The following VPS13B variants were observed in gnomAD, a reference collection of about 807,000 sequenced individuals.
VPS13B encodes the protein intermembrane lipid transfer protein VPS13B.
A neutral mutation model predicts 426.4 loss-of-function variants in VPS13B; 285 were observed. The ratio of observed to expected loss-of-function variants is 0.67; its 90% CI spans 0.61 to 0.74. The LOEUF (loss-of-function observed/expected upper bound fraction) is 0.74. Among genes scored for constraint, VPS13B ranks in the 30% least tolerant of loss-of-function variants. The probability of loss-of-function intolerance (pLI) is 0.00; values close to 1 mark genes in which losing one functional copy is unlikely to be tolerated. For missense variants in VPS13B, 4,537 were observed against 4,782.6 expected, an observed-to-expected ratio of 0.95 and a Z score of 1.51; for synonymous variants, 1,676 against 1,676.4, an observed-to-expected ratio of 1.00 and a Z score of 0.01.
chr8:99,101,171 G>A (rs1234205305), intron 4 of VPS13B, among the ~76,000 whole-genome samples: 1 of 151,972 alleles, frequency 6.6e-6, no homozygotes, highest in Non-Finnish European at 1.5e-5. Context: ...TTGCTCTGTC[G>A]CCCAGGCTGG....
intron 7 of VPS13B, among the ~76,000 whole-genome samples, chr8:99,119,948 A>T (rs1345119730): frequency 6.6e-6 from 1 of 151,774 alleles, no homozygotes; most frequent in Non-Finnish European, 1.5e-5. Flanking sequence ...GTGCAGTGGT[A>T]TGAAACATGG....
At chr8:99,139,417 T>A (rs1308815517) in intron 12 of VPS13B, among the ~76,000 whole-genome samples, 1 of 151,398 alleles carries the variant, frequency 6.6e-6, no homozygotes, top group Non-Finnish European at 1.5e-5. Context: ...CATTTATAAC[T>A]ATTCTGTTGA....
chr8:99,559,408 T>G (rs1282017512), intron 31 of VPS13B, among the ~76,000 whole-genome samples: 1 of 152,200 alleles, frequency 6.6e-6, no homozygotes, highest in Non-Finnish European at 1.5e-5. Flanking sequence ...CTCTTTAGTT[T>G]AATTAGATCC....
intron 17 of VPS13B, among the ~76,000 whole-genome samples, chr8:99,238,562 G>T (rs763827220): frequency 6.6e-6 from 1 of 152,006 alleles, no homozygotes; most frequent in African/African-American, 2.4e-5. Context: ...GCATCACTTT[G>T]TAGAATAAAA....
intron 19 of VPS13B, among the ~76,000 whole-genome samples, chr8:99,316,704 G>C (rs1809679250): frequency 1.3e-5 from 2 of 151,962 alleles, no homozygotes; most frequent in Admixed American, 6.5e-5. Flanking sequence ...TCTCACTCTT[G>C]TTGAATTCCA....
At chr8:99,017,213 A>T (rs1340992891) in intron 2 of VPS13B, among the ~76,000 whole-genome samples, 1 of 152,098 alleles carries the variant, frequency 6.6e-6, no homozygotes, top group African/African-American at 2.4e-5. Context: ...TTCCATTGAT[A>T]GTCAGTTGAT....
At chr8:99,873,208 G>C (rs1181715085) in intron 61 of VPS13B, 1 of 152,208 alleles carries the variant, frequency 6.6e-6, no homozygotes. Flanking sequence ...TAAGACTGCA[G>C]ATTTCTTTTG....
chr8:99,740,401 A>G (rs956983219), intron 39 of VPS13B, among the ~76,000 whole-genome samples: 7 of 152,248 alleles, frequency 4.6e-5, no homozygotes, highest in Non-Finnish European at 1.5e-5. Flanking sequence ...AACACCCTGC[A>G]GGATATTATC....
At chr8:99,726,948 AT>A (rs1323755113) in intron 39 of VPS13B, among the ~76,000 whole-genome samples, 1 of 152,182 alleles carries the variant, frequency 6.6e-6, no homozygotes, top group Admixed American at 6.5e-5. Flanking sequence ...GATCTCTGTT[AT>A]TTTTGCTCCA....
At chr8:99,769,428 C>A (rs1281195425) in intron 40 of VPS13B, among the ~76,000 whole-genome samples, 4 of 152,064 alleles carry the variant, frequency 2.6e-5, no homozygotes, top group African/African-American at 9.7e-5. Flanking sequence ...TATTCTGTCA[C>A]AAGAGAAATC....
rs767858119 is a variant in VPS13B at position 99,721,045 on chromosome 8, C to T, written c.7048C>T (p.Gln2350Ter). 1.2e-6 allele frequency: 2 copies of T among 1,613,836 alleles called. No individual in the cohort carries two copies. The highest frequency in any genetic ancestry group is 1.7e-5 in the Admixed American group (1 of 60,022). The part of the protein sequence containing the change: ...ISTADLGDVL[Q>*]VPCSLEYWDE... ...CACAGCAGACCTTGGTGATGTGCTA[C>T]AGGTATGTAATGACCATTCATTGTA... The change falls in exon 39 of 62, where the codon CAG (glutamine) becomes TAG (stop). Residue 2350 changes from glutamine (Q) to a stop codon, truncating the protein, a stop_gained and splice_region_variant. Coordinates refer to ENST00000357162, the MANE Select transcript of VPS13B (RefSeq NM_152564.5). LOFTEE classifies it high-confidence loss of function.
chr8:99,053,500 C>G (rs1843673532), intron 3 of VPS13B, among the ~76,000 whole-genome samples: 3 of 152,060 alleles, frequency 2.0e-5, no homozygotes, highest in Admixed American at 1.3e-4. Context: ...GCATGGAATA[C>G]TATGCAGCCA....
intron 8 of VPS13B, among the ~76,000 whole-genome samples, chr8:99,128,596 C>T (rs1344774484): frequency 6.6e-6 from 1 of 151,758 alleles, no homozygotes; most frequent in East Asian, 1.9e-4. Flanking sequence ...GTTTCCTCTC[C>T]AATTTCATTT....
At chr8:99,797,548 T>A (rs1220805829) in intron 43 of VPS13B, among the ~76,000 whole-genome samples, 3 of 152,224 alleles carry the variant, frequency 2.0e-5, no homozygotes, top group African/African-American at 4.8e-5. Context: ...AAAGAGGCAC[T>A]GATCTCAAAA....
intron 34 of VPS13B, among the ~76,000 whole-genome samples, chr8:99,660,034 A>G (rs1477385417): frequency 6.6e-6 from 1 of 152,186 alleles, no homozygotes; most frequent in Non-Finnish European, 1.5e-5. Flanking sequence ...ATTATATTTA[A>G]AAGAGAGAAT....
chr8:99,332,505 T>A (rs1226284311), intron 19 of VPS13B, among the ~76,000 whole-genome samples: 1 of 151,624 alleles, frequency 6.6e-6, no homozygotes, highest in South Asian at 2.1e-4. Flanking sequence ...GAAGAATTAA[T>A]TCAGTACATT....
chr8:99,504,883 G>A (rs1279468248), intron 27 of VPS13B, among the ~76,000 whole-genome samples: 1 of 152,144 alleles, frequency 6.6e-6, no homozygotes, highest in African/African-American at 2.4e-5. Flanking sequence ...CTTCTTCCAA[G>A]AGAAGGCTGT....
At chr8:99,134,921 A>C in intron 9 of VPS13B, 94 bp from the exon 10 acceptor site, 1 of 1,451,128 alleles carries the variant, frequency 6.9e-7, no homozygotes. Flanking sequence ...ATAATTCTAA[A>C]GATGTTTAAC....
At chr8:99,678,565 T>C (rs890077181) in intron 35 of VPS13B, among the ~76,000 whole-genome samples, 2 of 145,476 alleles carry the variant, frequency 1.4e-5, no homozygotes, top group African/African-American at 2.5e-5. Flanking sequence ...CTTAATCTGA[T>C]TCTGTTTTTT....
Sources: allele counts gnomAD v4.1 joint callset (sites outside exome capture counted in the v4.1 genomes callset), GRCh38; gene constraint gnomAD v4.1.1; transcripts MANE v1.5; gene names NCBI Gene and HGNC (gene_info 2026-07-23, HGNC 2026-07-21).